The following PIK3CB variants were observed in gnomAD, a reference collection of about 807,000 sequenced individuals.
PIK3CB encodes the protein phosphatidylinositol 4,5-bisphosphate 3-kinase catalytic subunit beta isoform.
In PIK3CB, 39 loss-of-function variants were observed where a neutral mutation model predicts 136.8. That is an observed-to-expected ratio of 0.29 (90% CI 0.22 to 0.37). PIK3CB has a LOEUF of 0.37. Among genes scored for constraint, PIK3CB ranks in the 10% least tolerant of loss-of-function variants. The pLI, the probability that PIK3CB is intolerant of heterozygous loss-of-function variation, is 1.00. For missense variants in PIK3CB, 868 were observed against 1,275.4 expected, an observed-to-expected ratio of 0.68 and a Z score of 4.87; for synonymous variants, 428 against 436.6, an observed-to-expected ratio of 0.98 and a Z score of 0.25.
intron 10 of PIK3CB, among the ~76,000 whole-genome samples, chr3:138,708,291 G>T (rs56291482): frequency 0.036 from 4,855 of 134,904 alleles, 293 homozygotes; most frequent in African/African-American, 0.13. Flanking sequence ...TTGAGACAGG[G>T]TTTCTGTCAC....
chr3:138,665,623 TG>T (rs2043392187), intron 19 of PIK3CB, among the ~76,000 whole-genome samples: 1 of 152,230 alleles, frequency 6.6e-6, no homozygotes, highest in African/African-American at 2.4e-5. Flanking sequence ...TCCGTCCTTC[TG>T]GTGGCACCAT....
intron 1 of PIK3CB, among the ~76,000 whole-genome samples, chr3:138,798,423 A>G (rs577348465): frequency 4.3e-4 from 65 of 152,282 alleles, no homozygotes; most frequent in African/African-American, 1.5e-3. Context: ...TCAGCCTCCC[A>G]AAGTGCTGGG....
chr3:138,734,504 C>T (rs569389675), intron 7 of PIK3CB, 130 bp downstream of exon 7: 7 of 525,420 alleles, frequency 1.3e-5, no homozygotes, highest in Middle Eastern at 1.1e-3. Flanking sequence ...AAATGGTGAT[C>T]GATTTTTGGC....
chr3:138,785,793 C>G (rs866024892), intron 2 of PIK3CB, among the ~76,000 whole-genome samples: 4 of 147,710 alleles, frequency 2.7e-5, no homozygotes, highest in Non-Finnish European at 5.9e-5. Context: ...TCCCCCGCTC[C>G]GAGAAACACC....
chr3:138,802,527 C>T (rs2046188801), intron 1 of PIK3CB, among the ~76,000 whole-genome samples: 1 of 146,636 alleles, frequency 6.8e-6, no homozygotes, highest in Non-Finnish European at 1.5e-5. Context: ...CTGTGGAAAA[C>T]TCCATTGTTA....
intron 3 of PIK3CB, among the ~76,000 whole-genome samples, chr3:138,756,425 A>C (rs79400945): frequency 6.6e-6 from 1 of 151,722 alleles, no homozygotes; most frequent in African/African-American, 2.4e-5. Context: ...AGGAGTAATC[A>C]AAAAAAAATT....
In PIK3CB at chr3:138,733,489, T is replaced by C. The variant is rs968270234; in HGVS notation, c.973-51A>G. Reference sequence around the variant, plus strand: ...ATTATTTTAATGAAAGAAATGAATATTCTATGCTAGCAATGCAATTGTCAT... The same window carrying C: ...ATTATTTTAATGAAAGAAATGAATACTCTATGCTAGCAATGCAATTGTCAT... On this transcript the variant is annotated intron_variant, in intron 7 of 23. Coordinates refer to ENST00000674063, the MANE Select transcript of PIK3CB (RefSeq NM_006219.3). 6 of 923,290 alleles carry C rather than the reference T, an allele frequency of 6.5e-6. No individual in the cohort carries two copies. The African/African-American group carries it at 9.9e-5, about 15-fold the overall frequency. The allele number at this position is 923,290 out of a possible 1,614,324, so 57.2% of individuals were successfully genotyped here.
intron 21 of PIK3CB, among the ~76,000 whole-genome samples, chr3:138,662,325 T>G (rs1274806388): frequency 7.1e-6 from 1 of 140,078 alleles, no homozygotes; most frequent in Non-Finnish European, 1.5e-5. Flanking sequence ...TGTGTTCTCA[T>G]TGTTCAATTC....
intron 2 of PIK3CB, among the ~76,000 whole-genome samples, chr3:138,795,046 G>A (rs72972909): frequency 0.038 from 5,817 of 152,060 alleles, 381 homozygotes; most frequent in African/African-American, 0.13. Context: ...TCAGCCGGGC[G>A]CGGTGGCTCA....
chr3:138,690,358 GA>G (rs990435290), intron 15 of PIK3CB, among the ~76,000 whole-genome samples: 3 of 151,334 alleles, frequency 2.0e-5, no homozygotes, highest in Non-Finnish European at 1.5e-5. Context: ...GATTGGGAGG[GA>G]AAAAAAATGT....
At chr3:138,695,724 CTAT>C (rs2044122371) in intron 13 of PIK3CB, among the ~76,000 whole-genome samples, 1 of 151,760 alleles carries the variant, frequency 6.6e-6, no homozygotes, top group East Asian at 1.9e-4. Context: ...TTTAATTACT[CTAT>C]TATTAGCATA....
Position 138,755,813 on chromosome 3 carries a change from G to A in PIK3CB, c.338C>T (p.Thr113Ile), listed in dbSNP as rs2045556291. The A allele has an allele frequency of 6.2e-7, 1 of 1,612,422 alleles. No individual in the cohort carries two copies. Among genetic ancestry groups the A allele is most frequent in the Non-Finnish European group, 8.5e-7 (1 of 1,179,164 alleles). Residue 113 changes from threonine (T) to isoleucine (I), a missense_variant, in exon 4 of 24, where the codon ACA (threonine) becomes ATA (isoleucine). Transcript: ENST00000674063. Reference protein sequence around the residue: ...RPFLPVLKLVTRSCDPGEKLD... With the variant: ...RPFLPVLKLVIRSCDPGEKLD... ...TTTTTCCCCTGGGTCACAACTTCTT[G>A]TCACTAATTTGAGAACTGGAAGAAA...
intron 10 of PIK3CB, among the ~76,000 whole-genome samples, chr3:138,711,225 G>GA (rs55666741): frequency 6.9e-5 from 10 of 145,680 alleles, no homozygotes; most frequent in Non-Finnish European, 9.1e-5. Context: ...AAAAAAAAAA[G>GA]AAAAAAAAAA....
chr3:138,673,006 G>C lies in PIK3CB; in HGVS notation c.2505-7803C>G, dbSNP rs372441058. 1.7e-4 allele frequency among the ~76,000 whole-genome samples: 25 copies of C among 151,016 alleles called. No homozygotes were observed. In the South Asian group the frequency reaches 4.8e-3, roughly 29 times the overall value. ...AATACAATACAGGAGAGTAAACATT[G>C]TTGCAGAGATAATGAACTGGAAAAG... On this transcript the variant is annotated intron_variant, in intron 19 of 23. Coordinates refer to ENST00000674063, the MANE Select transcript of PIK3CB (RefSeq NM_006219.3).
chr3:138,811,440 T>C (rs1933053895), intron 1 of PIK3CB, among the ~76,000 whole-genome samples: 1 of 151,534 alleles, frequency 6.6e-6, no homozygotes, highest in Non-Finnish European at 1.5e-5. Flanking sequence ...ACCTTTTTTT[T>C]TTTTTGGCAG....
chr3:138,688,161 A>T (rs1056812261), intron 16 of PIK3CB, among the ~76,000 whole-genome samples: 1 of 152,164 alleles, frequency 6.6e-6, no homozygotes, highest in Non-Finnish European at 1.5e-5. Flanking sequence ...AATGCAAATG[A>T]ATTAGAAAAG....
chr3:138,722,219 GAGACACAC>G (rs1435726350), intron 8 of PIK3CB, among the ~76,000 whole-genome samples: 17 of 65,400 alleles, frequency 2.6e-4, no homozygotes, highest in East Asian at 4.6e-3. Context: ...TGCTATGTAA[GAGACACAC>G]ACACACACAC....
rs2108583569 is a variant in PIK3CB at position 138,714,468 on chromosome 3, C to T, written c.1302G>A (p.Val434=). The T allele has an allele frequency of 1.9e-6, 3 of 1,598,446 alleles. No homozygotes were observed. The highest frequency in any genetic ancestry group is 2.6e-6 in the Non-Finnish European group (3 of 1,169,286). The part of the protein sequence containing the change: ...KYQTIRKAGK[V]HYPVAWVNTM... ...TCCTCAGAAGTTGGTATATCATTAC[C>T]ACTTTTCCAGCTTTCCTGATGGTCT... The change falls in exon 9 of 24, where the codon GTG becomes GTA. Residue 434 remains valine (V), a splice_region_variant and synonymous_variant. Transcript: ENST00000674063.
rs1224656457 is a variant in PIK3CB at position 138,693,817 on chromosome 3, T to C, written c.1892+969A>G. On this transcript the variant is annotated intron_variant, in intron 14 of 23. Transcript: ENST00000674063. ...ATATATATGAAACAGAAAAATGTGA[T>C]ATAGAAGCATACACACCAAATTCAT... Among the ~76,000 whole-genome samples the C allele has an allele frequency of 2.0e-5, 3 of 151,062 alleles. No individual in the cohort carries two copies. The East Asian group carries it at 5.8e-4, about 29-fold the overall frequency.
Sources: allele counts gnomAD v4.1 joint callset (sites outside exome capture counted in the v4.1 genomes callset), GRCh38; gene constraint gnomAD v4.1.1; transcripts MANE v1.5; gene names NCBI Gene and HGNC (gene_info 2026-07-23, HGNC 2026-07-21).